The following BACE2 variants were observed in gnomAD, a reference collection of about 807,000 sequenced individuals.
BACE2 encodes beta-secretase 2, also known as 56 kDa aspartic-like protease.
BACE2 carries 17 observed loss-of-function variants against 46.2 expected under a neutral mutation model. That is an observed-to-expected ratio of 0.37 (90% CI 0.25 to 0.55). The LOEUF is 0.55. Ranked by LOEUF, BACE2 falls within the 20% of genes least tolerant of loss-of-function variation. The probability of loss-of-function intolerance (pLI) is 0.82; values close to 1 mark genes in which losing one functional copy is unlikely to be tolerated. For missense variants in BACE2, 595 were observed against 698.1 expected (o/e 0.85, Z 1.66); for synonymous variants, 277 against 295.9 (o/e 0.94, Z 0.66).
intron 1 of BACE2, among the ~76,000 whole-genome samples, chr21:41,218,117 C>A (rs1986530339): frequency 6.6e-6 from 1 of 152,130 alleles, no homozygotes; most frequent in Non-Finnish European, 1.5e-5. Context: ...TGAATCAGAC[C>A]AACCAATGTT....
chr21:41,175,477 TC>T, intron 1 of BACE2: 1 of 152,226 alleles, frequency 6.6e-6, no homozygotes. Flanking sequence ...AGCCTTGTGT[TC>T]CCACTTCAGA....
At chr21:41,257,566 C>T (rs541088427) in intron 8 of BACE2, among the ~76,000 whole-genome samples, 1 of 152,120 alleles carries the variant, frequency 6.6e-6, no homozygotes, top group Admixed American at 6.5e-5. Flanking sequence ...GAGTGTGAGT[C>T]CTGATAGTCA....
intron 1 of BACE2, chr21:41,178,902 C>A: frequency 3.2e-6 from 1 of 311,548 alleles, no homozygotes; most frequent in Non-Finnish European, 6.1e-6. Context: ...TGAGACAGTG[C>A]CATGTGGGAA....
rs910878642 is a variant in BACE2 at position 41,214,678 on chromosome 21, G to A, written c.313-11588G>A. 6.6e-5 allele frequency among the ~76,000 whole-genome samples: 10 copies of A among 152,262 alleles called. No homozygotes were observed. In the East Asian group the frequency reaches 1.7e-3, roughly 26 times the overall value. ...GCCACTTGCCCTTCACTGCATGAAC[G>A]TCTCTCTAACCTTGACTTTCATTTA... On this transcript the variant is annotated intron_variant, in intron 1 of 8. Transcript: ENST00000330333.
At chr21:41,203,280 G>T (rs1986018318) in intron 1 of BACE2, among the ~76,000 whole-genome samples, 1 of 152,146 alleles carries the variant, frequency 6.6e-6, no homozygotes, top group African/African-American at 2.4e-5. Context: ...TCATGGCCAG[G>T]GAAGGCATCT....
intron 3 of BACE2, among the ~76,000 whole-genome samples, chr21:41,239,183 A>G (rs1987219994): frequency 7.2e-6 from 1 of 139,476 alleles, no homozygotes; most frequent in Non-Finnish European, 1.6e-5. Flanking sequence ...TTATGAGCAG[A>G]TGGGGGTGGG....
chr21:41,200,508 G>A lies in BACE2; in HGVS notation c.313-25758G>A, dbSNP rs71318561. ...GTCTTGGATTGTAACCCCATGTTCTGCAGGTCTCAGGACCTCTTCCCTGCA... is the reference window on the plus strand; with the variant it reads ...GTCTTGGATTGTAACCCCATGTTCTACAGGTCTCAGGACCTCTTCCCTGCA... On this transcript the variant is annotated intron_variant, in intron 1 of 8. Coordinates refer to ENST00000330333, the MANE Select transcript of BACE2 (RefSeq NM_012105.5). Among the ~76,000 whole-genome samples, 1,300 of 152,230 alleles carry A rather than the reference G, an allele frequency of 8.5e-3. 9 individuals carry two copies. The highest frequency in any genetic ancestry group is 0.014 in the Non-Finnish European group (945 of 68,010).
In BACE2 at chr21:41,282,332, G is replaced by T. The variant is rs1036702589; in HGVS notation, c.*6708G>T. The T allele has an allele frequency of 1.3e-5, 2 of 152,134 alleles. No individual in the cohort carries two copies. Among genetic ancestry groups the T allele is most frequent in the Non-Finnish European group, 2.9e-5 (2 of 68,030 alleles). 9.4% of individuals were successfully genotyped at this position (152,134 alleles called of 1,614,324 possible). A position where few individuals can be genotyped will look rare whatever the true frequency, so the allele number is the denominator to read the frequency against. On this transcript the variant is annotated 3_prime_UTR_variant, in exon 9 of 9. Transcript: ENST00000330333. Reference sequence around the variant, plus strand: ...TAAAAATGTAATAAGACCAAGAGTTGGAGTAAAGGGATATTCATTCCATGT... The same window carrying T: ...TAAAAATGTAATAAGACCAAGAGTTTGAGTAAAGGGATATTCATTCCATGT...
At chr21:41,266,986 G>A (rs2088382890) in intron 8 of BACE2, among the ~76,000 whole-genome samples, 1 of 150,320 alleles carries the variant, frequency 6.7e-6, no homozygotes, top group Non-Finnish European at 1.5e-5. Flanking sequence ...GTGTGTTCAT[G>A]GTCATTTGTG....
chr21:41,257,419 A>G, intron 8 of BACE2, 93 bp downstream of exon 8: 1 of 1,362,516 alleles, frequency 7.3e-7, no homozygotes, highest in Non-Finnish European at 1.0e-6. Flanking sequence ...CAACTCAATT[A>G]CCATTGAATT....
At chr21:41,203,879 C>T (rs377528791) in intron 1 of BACE2, among the ~76,000 whole-genome samples, 38 of 152,254 alleles carry the variant, frequency 2.5e-4, no homozygotes, top group Non-Finnish European at 4.6e-4. Flanking sequence ...GCAGGTCAGC[C>T]GTGGCTGGAG....
chr21:41,280,329 G>A lies in BACE2; in HGVS notation c.*4705G>A, dbSNP rs2088533561. 6.6e-6 allele frequency: 1 copy of A among 152,304 alleles called. No homozygotes were observed. The allele number at this position is 152,304 out of a possible 1,614,324, so 9.4% of individuals were successfully genotyped here. On this transcript the variant is annotated 3_prime_UTR_variant, in exon 9 of 9. Coordinates refer to ENST00000330333, the MANE Select transcript of BACE2 (RefSeq NM_012105.5). ...AGCTGGGCCCTCACCGTTTCCGCCA[G>A]CTCTGCTGAGCCAGCCCAGCCCATG...
At chr21:41,191,981 T>TCCCCCCC (rs1167090323) in intron 1 of BACE2, among the ~76,000 whole-genome samples, 1 of 151,098 alleles carries the variant, frequency 6.6e-6, no homozygotes, top group Non-Finnish European at 1.5e-5. Context: ...TCCCTGATGA[T>TCCCCCCC]CCAGCCAAAC....
chr21:41,219,151 G>A (rs113072292), intron 1 of BACE2, among the ~76,000 whole-genome samples: 16,598 of 149,202 alleles, frequency 0.11, 1,957 homozygotes, highest in African/African-American at 0.3. Flanking sequence ...GTGAGCCACC[G>A]CGCCCAGCCA....
At chr21:41,235,429 A>G (rs141368956) in intron 2 of BACE2, among the ~76,000 whole-genome samples, 2 of 152,356 alleles carry the variant, frequency 1.3e-5, no homozygotes, top group Non-Finnish European at 2.9e-5. Flanking sequence ...ATCCTGGCAC[A>G]TGAACCTCTG....
At chr21:41,175,055 C>T (rs772134427) in intron 1 of BACE2, among the ~76,000 whole-genome samples, 1 of 151,992 alleles carries the variant, frequency 6.6e-6, no homozygotes, top group Non-Finnish European at 1.5e-5. Context: ...CCTAGATGTA[C>T]TAATTTGATA....
chr21:41,192,422 C>T (rs1414502880), intron 1 of BACE2, among the ~76,000 whole-genome samples: 1 of 152,178 alleles, frequency 6.6e-6, no homozygotes, highest in Admixed American at 6.5e-5. Flanking sequence ...CTGTGCATGA[C>T]CCACTTTATG....
intron 8 of BACE2, among the ~76,000 whole-genome samples, chr21:41,263,194 T>C (rs957740532): frequency 3.3e-5 from 5 of 152,186 alleles, no homozygotes; most frequent in African/African-American, 1.2e-4. Flanking sequence ...TTTTTGACAA[T>C]TTCCACATTA....
At chr21:41,214,617 C>G (rs1321860773) in intron 1 of BACE2, among the ~76,000 whole-genome samples, 1 of 152,232 alleles carries the variant, frequency 6.6e-6, no homozygotes, top group Non-Finnish European at 1.5e-5. Context: ...TAGAAATGAA[C>G]AAGCCACCTT....
Sources: allele counts gnomAD v4.1 joint callset (sites outside exome capture counted in the v4.1 genomes callset), GRCh38; gene constraint gnomAD v4.1.1; transcripts MANE v1.5; gene names NCBI Gene and HGNC (gene_info 2026-07-23, HGNC 2026-07-21).